ARNT2: variants seen among roughly 807,000 people sequenced by gnomAD.
ARNT2 encodes ARNT protein 2.
A neutral mutation model predicts 91.7 loss-of-function variants in ARNT2; 36 were observed. The ratio of observed to expected loss-of-function variants is 0.39; its 90% CI spans 0.30 to 0.52. The LOEUF is 0.52. Ranked by LOEUF, ARNT2 falls within the 20% of genes least tolerant of loss-of-function variation. ARNT2 has a pLI of 0.72. For missense variants in ARNT2, 775 were observed against 939.3 expected (o/e 0.83, Z 2.29); for synonymous variants, 365 against 347.1 (o/e 1.05, Z -0.57).
intron 1 of ARNT2, among the ~76,000 whole-genome samples, chr15:80,427,756 A>G (rs747948695): frequency 3.9e-5 from 6 of 152,218 alleles, no homozygotes; most frequent in Non-Finnish European, 7.3e-5. Flanking sequence ...GTATATTTCT[A>G]GGGACATACA....
intron 9 of ARNT2, among the ~76,000 whole-genome samples, chr15:80,551,884 TC>T (rs1326780939): frequency 6.6e-6 from 1 of 152,192 alleles, no homozygotes; most frequent in Non-Finnish European, 1.5e-5. Flanking sequence ...CAGTTACTCT[TC>T]TTTCACTGTC....
In ARNT2 at chr15:80,593,642, A is replaced by G. The variant is rs372537338; in HGVS notation, c.2098A>G (p.Asn700Asp). The change falls in exon 19 of 19, where the codon AAC becomes GAC. Residue 700 changes from asparagine to aspartate, a missense_variant. This residue lies in a region of ARNT2 where 325 missense variants were observed against 359.9 expected (regional missense o/e 0.90). Transcript: ENST00000303329. The part of the protein sequence containing the change: ...MPGDPTQGTG[N>D]YNIEDFADLG... ...AGGAGATCCAACCCAGGGGACTGGC[A>G]ACTATAACATCGAAGACTTTGCCGA... is the stretch of plus-strand genomic sequence containing the variant. 6.2e-7 allele frequency: 1 copy of G among 1,607,374 alleles called. No homozygotes were observed. Among genetic ancestry groups the G allele is most frequent in the Non-Finnish European group, 8.5e-7 (1 of 1,176,174 alleles).
At chr15:80,495,086 C>G (rs1035491490) in intron 5 of ARNT2, among the ~76,000 whole-genome samples, 1 of 151,190 alleles carries the variant, frequency 6.6e-6, no homozygotes, top group Admixed American at 6.6e-5. Context: ...CACCCCCACC[C>G]CTGTAAGCCT....
intron 15 of ARNT2, among the ~76,000 whole-genome samples, chr15:80,579,666 A>G (rs1470412509): frequency 6.6e-6 from 1 of 152,202 alleles, no homozygotes; most frequent in Non-Finnish European, 1.5e-5. Context: ...GTCTGCCCCC[A>G]GCCTTTTAGT....
intron 2 of ARNT2, among the ~76,000 whole-genome samples, chr15:80,451,752 A>G (rs950517182): frequency 6.6e-6 from 1 of 151,952 alleles, no homozygotes; most frequent in Non-Finnish European, 1.5e-5. Context: ...CAACCAACCA[A>G]CCAACTACCC....
chr15:80,453,118 C>T (rs530531538), intron 2 of ARNT2, among the ~76,000 whole-genome samples: 147 of 152,272 alleles, frequency 9.7e-4, no homozygotes, highest in Non-Finnish European at 1.9e-3. Context: ...CTTTCCTTCC[C>T]GGGTCACACA....
At chr15:80,417,322 T>C (rs886183681) in intron 1 of ARNT2, among the ~76,000 whole-genome samples, 8 of 115,816 alleles carry the variant, frequency 6.9e-5, no homozygotes, top group African/African-American at 1.0e-4. Context: ...TTTGCATTCA[T>C]TTTAGGAAAT....
intron 5 of ARNT2, among the ~76,000 whole-genome samples, chr15:80,496,857 G>T (rs956384943): frequency 6.6e-6 from 1 of 152,192 alleles, no homozygotes; most frequent in Admixed American, 6.5e-5. Flanking sequence ...GCATCCATAG[G>T]AGCCTGTAAG....
At chr15:80,421,991 A>G (rs1420829681) in intron 1 of ARNT2, among the ~76,000 whole-genome samples, 1 of 152,256 alleles carries the variant, frequency 6.6e-6, no homozygotes, top group East Asian at 1.9e-4. Context: ...AGAATTAATG[A>G]CTTAGAAAGT....
intron 1 of ARNT2, among the ~76,000 whole-genome samples, chr15:80,421,269 C>T (rs536044723): frequency 3.0e-4 from 45 of 152,064 alleles, no homozygotes; most frequent in South Asian, 4.2e-4. Context: ...GAGGGAGTGA[C>T]GGCTAAAAAA....
In ARNT2 at chr15:80,595,984, T is replaced by C. The variant is rs1893368650; in HGVS notation, c.*2286T>C. The C allele has an allele frequency of 1.3e-5, 2 of 152,242 alleles. No homozygotes were observed. The highest frequency in any genetic ancestry group is 4.1e-4 in the South Asian group (2 of 4,834). 9.4% of individuals were successfully genotyped at this position (152,242 alleles called of 1,614,324 possible). On this transcript the variant is annotated 3_prime_UTR_variant, in exon 19 of 19. Coordinates refer to ENST00000303329, the MANE Select transcript of ARNT2 (RefSeq NM_014862.4). The stretch of plus-strand genomic sequence containing the variant: ...GCCTTTAGCTTGTGAGTTTGGAAGT[T>C]TGGGGGGTCTTATGTTTGTTTTGCC...
intron 5 of ARNT2, among the ~76,000 whole-genome samples, chr15:80,494,627 A>G (rs1288589677): frequency 6.6e-6 from 1 of 152,226 alleles, no homozygotes; most frequent in Non-Finnish European, 1.5e-5. Context: ...TATAATGAAT[A>G]GCAGAGCAGC....
chr15:80,590,147 G>A (rs929639551), intron 17 of ARNT2, among the ~76,000 whole-genome samples: 3 of 152,156 alleles, frequency 2.0e-5, no homozygotes, highest in Non-Finnish European at 4.4e-5. Context: ...GCCCAGGCTG[G>A]GGGTTGGGTG....
chr15:80,544,794 G>C (rs2141451815), intron 8 of ARNT2, among the ~76,000 whole-genome samples: 1 of 152,306 alleles, frequency 6.6e-6, no homozygotes, highest in South Asian at 2.1e-4. Context: ...TATTTTTGTA[G>C]GAAGAACAGT....
intron 3 of ARNT2, among the ~76,000 whole-genome samples, chr15:80,466,204 T>C (rs1896651043): frequency 6.6e-6 from 1 of 152,244 alleles, no homozygotes; most frequent in Admixed American, 6.5e-5. Flanking sequence ...ATTCTTTAAC[T>C]AAGATGGGTA....
In ARNT2 at chr15:80,489,521, C is replaced by T. The variant is rs116186658; in HGVS notation, c.622+14298C>T. On this transcript the variant is annotated intron_variant, in intron 5 of 18. Coordinates refer to ENST00000303329, the MANE Select transcript of ARNT2 (RefSeq NM_014862.4). ...TCTTTAACCTTGAGCTGAGCGCACA[C>T]GTTCTAAGGACCTGAACTCACAAGA... Among the ~76,000 whole-genome samples the T allele has an allele frequency of 4.3e-3, 661 of 152,332 alleles. 10 individuals are homozygous for T. Among genetic ancestry groups the T allele is most frequent in the African/African-American group, 0.015 (608 of 41,562 alleles).
rs1898102714 is a variant in ARNT2 at position 80,552,661 on chromosome 15, A to G, written c.976A>G (p.Met326Val). 2.5e-6 allele frequency: 4 copies of G among 1,614,080 alleles called. No homozygotes were observed. The highest frequency in any genetic ancestry group is 1.1e-5 in the South Asian group (1 of 91,058). ...RLQVTSSPVC[M>V]DMNGMSVPTE... is the part of the protein sequence containing the mutation. ...CCAGGTGACCAGCTCTCCTGTATGC[A>G]TGGACATGAATGGGATGTCGGTGCC... The change falls in exon 10 of 19, where the codon ATG (methionine) becomes GTG (valine). Residue 326 changes from methionine to valine, a missense_variant. Met to Val is a conservative substitution (Grantham distance 21). Around this residue, in one of 5 missense-constraint regions of ARNT2, gnomAD observed 285 missense variants for 327.2 expected, o/e 0.87. Coordinates refer to ENST00000303329, the MANE Select transcript of ARNT2 (RefSeq NM_014862.4).
In ARNT2 at chr15:80,404,751, G is replaced by A. The variant is rs1437348634; in HGVS notation, c.31+205G>A. ...CCAATCGCTGCCCATCCGGTCCCGG[G>A]CAGGCGCCGGTCCGGACCCGCGGGC... On this transcript the variant is annotated intron_variant, in intron 1 of 18. Coordinates refer to ENST00000303329, the MANE Select transcript of ARNT2 (RefSeq NM_014862.4). The surrounding 1 kb of genome is among the most constrained non-coding windows in gnomAD (Gnocchi z 5.5). Among the ~76,000 whole-genome samples, 2 of 152,072 alleles carry A rather than the reference G, an allele frequency of 1.3e-5. No homozygotes were observed. The highest frequency in any genetic ancestry group is 2.4e-5 in the African/African-American group (1 of 41,536).
At chr15:80,501,965 C>A (rs1426906779) in intron 5 of ARNT2, among the ~76,000 whole-genome samples, 1 of 152,152 alleles carries the variant, frequency 6.6e-6, no homozygotes, top group Non-Finnish European at 1.5e-5. Context: ...TACATCAAAC[C>A]CAGAACAATA....
Sources: allele counts gnomAD v4.1 joint callset (sites outside exome capture counted in the v4.1 genomes callset), GRCh38; gene constraint gnomAD v4.1.1; regional missense constraint gnomAD v4.1.1; non-coding constraint Gnocchi (gnomAD v3.1); transcripts MANE v1.5; gene names NCBI Gene and HGNC (gene_info 2026-07-23, HGNC 2026-07-21).